Variants in HEPH observed in about 807,000 individuals in gnomAD.
The protein encoded by HEPH is hephaestin.
A neutral mutation model predicts 80.8 loss-of-function variants in HEPH; 69 were observed. The ratio of observed to expected loss-of-function variants is 0.85; its 90% confidence interval spans 0.70 to 1.04. HEPH has a LOEUF of 1.04. Ranked by LOEUF, HEPH falls within the 50% of genes least tolerant of loss-of-function variation. HEPH has a pLI of 0.00. For missense variants in HEPH, 1,115 were observed against 891.3 expected, an observed-to-expected ratio of 1.25 and a Z score of -3.20; for synonymous variants, 431 against 322.8, an observed-to-expected ratio of 1.34 and a Z score of -3.60.
At chrX:66,264,471 G>C (rs747016057) in intron 20 of HEPH, among the ~76,000 whole-genome samples, 1 of 109,024 alleles carries the variant, frequency 9.2e-6, no homozygotes, top group South Asian at 3.9e-4. Flanking sequence ...TTTGGAACCA[G>C]CCATTTCTGA....
chrX:66,200,804 A>G, intron 12 of HEPH, 52 bp downstream of exon 12: 1 of 1,009,816 alleles, frequency 9.9e-7, no homozygotes, highest in East Asian at 3.1e-5. Context: ...TAGGGCCAGG[A>G]ATGGGGTCGG....
chrX:66,180,356 T>G (rs1299091216), intron 4 of HEPH, among the ~76,000 whole-genome samples: 1 of 111,153 alleles, frequency 9.0e-6, no homozygotes, highest in African/African-American at 3.3e-5. Flanking sequence ...CATCTTTCCT[T>G]CATATATGAT....
intron 4 of HEPH, among the ~76,000 whole-genome samples, chrX:66,186,351 C>T (rs1000690419): frequency 1.4e-4 from 15 of 109,162 alleles, no homozygotes; most frequent in Non-Finnish European, 2.7e-4. Context: ...TAGCAATCAG[C>T]GAGATTCCGT....
chrX:66,251,989 T>C (rs749775063), intron 15 of HEPH, among the ~76,000 whole-genome samples: 26 of 111,973 alleles, frequency 2.3e-4, no homozygotes, highest in Admixed American at 5.7e-4. Context: ...AAGCATATGT[T>C]ATGAGAGGAA....
Position 66,207,313 on chromosome X carries a change from G to C in HEPH, c.2410G>C (p.Glu804Gln), listed in dbSNP as rs769492736. The C allele has an allele frequency of 4.2e-6, 5 of 1,188,445 alleles. No individual in the cohort carries two copies. In the East Asian group the frequency reaches 1.2e-4, roughly 29 times the overall value. Reference sequence around the variant, plus strand: ...GATCCCTCGGCCAAGGACTGGACCAGAAGAACACTTGGGAATCTTGGGTAA... The same window carrying C: ...GATCCCTCGGCCAAGGACTGGACCACAAGAACACTTGGGAATCTTGGGTAA... ...FRIPRPRTGPEEHLGILGPLI... is the reference protein window; with the variant it reads ...FRIPRPRTGPQEHLGILGPLI... The change falls in exon 14 of 21, where the codon GAA becomes CAA. Residue 804 changes from glutamate (E) to glutamine (Q), a missense_variant. Physicochemically the swap from Glu to Gln is conservative, Grantham distance 29. Coordinates refer to ENST00000343002, the MANE Select transcript of HEPH (RefSeq NM_001367233.3).
rs1276758240 is a variant in HEPH, at chrX:66,230,846, T to C, written c.2563+22600T>C. The stretch of plus-strand genomic sequence containing the variant: ...TTTTGGTGTTTTGGACATGAAGTCC[T>C]TGCCCATGCCTATGTCCTGAATGGT... On this transcript the variant is annotated intron_variant, in intron 15 of 20. Coordinates refer to ENST00000343002, the MANE Select transcript of HEPH (RefSeq NM_001367233.3). Among the ~76,000 whole-genome samples, 3 of 98,643 alleles carry C rather than the reference T, an allele frequency of 3.0e-5. No individual in the cohort carries two copies. In the Admixed American group the frequency reaches 3.4e-4, roughly 11 times the overall value. The allele number at this position is 98,643 out of a possible 115,157, so 85.7% of individuals were successfully genotyped here. A position where few individuals can be genotyped will look rare whatever the true frequency, so the allele number is the denominator to read the frequency against.
At chrX:66,241,685 A>G (rs902440662) in intron 15 of HEPH, among the ~76,000 whole-genome samples, 13 of 111,780 alleles carry the variant, frequency 1.2e-4, no homozygotes, top group African/African-American at 4.2e-4. Flanking sequence ...CCCAATGACA[A>G]TGTTGGACAG....
chrX:66,198,095 C>T (rs1012237478), intron 10 of HEPH, among the ~76,000 whole-genome samples: 2 of 111,438 alleles, frequency 1.8e-5, no homozygotes, highest in Non-Finnish European at 3.8e-5. Flanking sequence ...ATATATCTTC[C>T]TTAGCCTTGC....
At chrX:66,168,852 A>G (rs1027300831) in intron 1 of HEPH, among the ~76,000 whole-genome samples, 2 of 112,050 alleles carry the variant, frequency 1.8e-5, no homozygotes, top group African/African-American at 3.2e-5. Context: ...TATCATTAAT[A>G]TAATCTATTA....
At chrX:66,230,146 G>A (rs1224627284) in intron 15 of HEPH, among the ~76,000 whole-genome samples, 1 of 90,763 alleles carries the variant, frequency 1.1e-5, no homozygotes, top group Non-Finnish European at 2.2e-5. Context: ...TGGTGTATAT[G>A]TGCCACATTT....
chrX:66,205,189 G>A (rs1165197600), intron 13 of HEPH, among the ~76,000 whole-genome samples: 6 of 111,831 alleles, frequency 5.4e-5, no homozygotes, highest in Admixed American at 9.5e-5. Flanking sequence ...GGCATGTTAT[G>A]TGATGCTGAG....
chrX:66,211,710 A>G (rs902641024), intron 15 of HEPH, among the ~76,000 whole-genome samples: 1 of 111,952 alleles, frequency 8.9e-6, no homozygotes, highest in Non-Finnish European at 1.9e-5. Context: ...CATTGTGTAT[A>G]TATACCACAT....
intron 4 of HEPH, among the ~76,000 whole-genome samples, chrX:66,181,905 G>C (rs2147618836): frequency 9.2e-6 from 1 of 108,562 alleles, no homozygotes; most frequent in South Asian, 4.1e-4. Flanking sequence ...TCCAGTTTCA[G>C]CTTTCTACAT....
chrX:66,173,701 T>C lies in HEPH; in HGVS notation c.525T>C (p.Asp175=). 8.3e-7 allele frequency: 1 copy of C among 1,210,541 alleles called. No homozygotes were observed. The highest frequency in any genetic ancestry group is 1.8e-5 in the South Asian group (1 of 56,728). ...WTIPEGHAPT[D]ADPACLTWIY... is the part of the protein sequence containing the mutation. The stretch of plus-strand genomic sequence containing the variant: ...TTCCAGAAGGCCATGCACCCACCGA[T>C]GCTGACCCAGCGTGCCTCACCTGGA... The change falls in exon 4 of 21, where the codon GAT becomes GAC. Residue 175 remains aspartate, a synonymous_variant. Coordinates refer to ENST00000343002, the MANE Select transcript of HEPH (RefSeq NM_001367233.3).
intron 15 of HEPH, among the ~76,000 whole-genome samples, chrX:66,229,369 T>C (rs2090026023): frequency 1.8e-5 from 2 of 111,871 alleles, no homozygotes; most frequent in African/African-American, 6.5e-5. Flanking sequence ...CCAAATATCG[T>C]ATATTCTCAC....
At chrX:66,242,189 G>A (rs1295981990) in intron 15 of HEPH, among the ~76,000 whole-genome samples, 2 of 110,479 alleles carry the variant, frequency 1.8e-5, no homozygotes, top group Admixed American at 9.7e-5. Flanking sequence ...CAATATAACA[G>A]GTTAGAGAAT....
intron 15 of HEPH, among the ~76,000 whole-genome samples, chrX:66,210,724 A>G (rs967324302): frequency 1.8e-5 from 2 of 111,611 alleles, no homozygotes; most frequent in African/African-American, 6.5e-5. Context: ...GGAGACAACT[A>G]GATAAATTTG....
chrX:66,203,281 T>C, intron 12 of HEPH, 83 bp from the exon 13 acceptor site: 1 of 796,686 alleles, frequency 1.3e-6, no homozygotes, highest in South Asian at 2.4e-5. Context: ...TTTTCTGCAG[T>C]ATGCCTAGGG....
chrX:66,193,352 G>A lies in HEPH; in HGVS notation c.1233-150G>A, dbSNP rs777115188. 1.1e-4 allele frequency: 37 copies of A among 335,205 alleles called. No individual in the cohort carries two copies. In the South Asian group the frequency reaches 3.6e-3, roughly 32 times the overall value. The allele number at this position is 335,205 out of a possible 1,213,427, so 27.6% of individuals were successfully genotyped here. On this transcript the variant is annotated intron_variant, in intron 7 of 20. Coordinates refer to ENST00000343002, the MANE Select transcript of HEPH (RefSeq NM_001367233.3). ...ATAACTTTCTAGTGGTGCCACCAAA[G>A]GAGATATCTTCACTGGTGGGAGTTA...
Sources: gnomAD v4.1 joint callset for allele counts (sites outside exome capture counted in the v4.1 genomes callset) on GRCh38, gnomAD v4.1.1 for gene constraint, MANE v1.5 for transcripts, NCBI Gene and HGNC (gene_info 2026-07-23, HGNC 2026-07-21) for gene names.